The following MYT1L variants were observed in gnomAD, a reference collection of about 807,000 sequenced individuals.
The protein encoded by MYT1L is myelin transcription factor 1 like, also known as myelin transcription factor 1-like protein.
Under a neutral mutation model 126.7 loss-of-function variants are expected in MYT1L, and 12 were observed. That is an observed-to-expected ratio of 0.09 (90% CI 0.06 to 0.15). The LOEUF is 0.15. Among genes scored for constraint, MYT1L ranks in the 10% least tolerant of loss-of-function variants. The pLI is 1.00. For synonymous variants in MYT1L, 541 were observed against 604.2 expected (o/e 0.90, Z 1.53); for missense variants, 979 against 1,585.2 (o/e 0.62, Z 6.49).
chr2:2,112,317 TAA>T lies in MYT1L; in HGVS notation c.-303-58196_-303-58195del, dbSNP rs1007773015. ...TATTTACAAAACCAAGAAATAGTTT[TAA>T]AAGTTTTTATAAAAAGCAGTGCTTA... is the stretch of plus-strand genomic sequence containing the variant. On this transcript the variant is annotated intron_variant, in intron 3 of 24. Coordinates refer to ENST00000647738, the MANE Select transcript of MYT1L (RefSeq NM_001303052.2). Among the ~76,000 whole-genome samples the T allele has an allele frequency of 1.4e-4, 21 of 152,364 alleles. No homozygotes were observed. The East Asian group carries it at 1.5e-3, about 11-fold the overall frequency.
intron 18 of MYT1L, among the ~76,000 whole-genome samples, chr2:1,872,866 T>G (rs572738267): frequency 2.6e-4 from 39 of 152,364 alleles, no homozygotes; most frequent in African/African-American, 8.4e-4. Flanking sequence ...GCCCATTTAA[T>G]TTTATAATCA....
At position 1,840,896 on chromosome 2, in the gene MYT1L, C is replaced by CTTTTTTTTTTTTTTT. The variant is rs1316416056; in HGVS notation, c.2775-54_2775-53insAAAAAAAAAAAAAAA. 1.0e-5 allele frequency: 10 copies of CTTTTTTTTTTTTTTT among 962,480 alleles called. No individual in the cohort carries two copies. The African/African-American group carries it at 2.1e-4, about 20-fold the overall frequency. The allele number at this position is 962,480 out of a possible 1,614,324, so 59.6% of individuals were successfully genotyped here. A position where few individuals can be genotyped will look rare whatever the true frequency, so the allele number is the denominator to read the frequency against. On this transcript the variant is annotated intron_variant, in intron 19 of 24. Coordinates refer to ENST00000647738, the MANE Select transcript of MYT1L (RefSeq NM_001303052.2). ...ACCCCACACCGTTGATTTCAGTGAGCTTTCTTTCTTTTTTTTTTTTTTTTT... is the reference window on the plus strand; with the variant it reads ...ACCCCACACCGTTGATTTCAGTGAGCTTTTTTTTTTTTTTTTTTCTTTCTTTTTTTTTTTTTTTTT...
chr2:1,913,479 C>A (rs2052353980), intron 11 of MYT1L, among the ~76,000 whole-genome samples: 2 of 152,162 alleles, frequency 1.3e-5, no homozygotes, highest in Admixed American at 1.3e-4. Flanking sequence ...GGAAGAAGTG[C>A]TGCTCCTCCC....
rs370981673 is a variant in MYT1L at position 1,940,599 on chromosome 2, C to T, written c.505+2383G>A. Among the ~76,000 whole-genome samples, 422 of 147,618 alleles carry T rather than the reference C, an allele frequency of 2.9e-3. 1 individual carries two copies. Among genetic ancestry groups the T allele is most frequent in the Non-Finnish European group, 4.7e-3 (315 of 66,448 alleles). The stretch of plus-strand genomic sequence containing the variant: ...AACTGGGTGCACCTGTCTCACACTG[C>T]TAGCAGGTAGGTTATCTCTCAACAT... On this transcript the variant is annotated intron_variant, in intron 9 of 24. Coordinates refer to ENST00000647738, the MANE Select transcript of MYT1L (RefSeq NM_001303052.2).
intron 2 of MYT1L, among the ~76,000 whole-genome samples, chr2:2,260,243 C>T (rs905219092): frequency 1.3e-5 from 2 of 152,172 alleles, no homozygotes; most frequent in African/African-American, 4.8e-5. Context: ...GCCTCCGTGA[C>T]CCCATCTGTG....
At chr2:1,927,910 G>A (rs1208297354) in intron 9 of MYT1L, among the ~76,000 whole-genome samples, 12 of 130,786 alleles carry the variant, frequency 9.2e-5, no homozygotes, top group Middle Eastern at 3.6e-3. Flanking sequence ...AATAGCAATC[G>A]CAATGATAAG....
At chr2:2,031,101 T>C (rs966073135) in intron 4 of MYT1L, among the ~76,000 whole-genome samples, 9 of 152,236 alleles carry the variant, frequency 5.9e-5, no homozygotes, top group African/African-American at 1.9e-4. Flanking sequence ...ACTCTTTAAC[T>C]TCAGAAGTTA....
intron 2 of MYT1L, among the ~76,000 whole-genome samples, chr2:2,229,394 C>A (rs2149046958): frequency 6.6e-6 from 1 of 152,186 alleles, no homozygotes; most frequent in South Asian, 2.1e-4. Flanking sequence ...CATCCCTAGC[C>A]ACATATTCTT....
rs530155421 is a variant in MYT1L, at chr2:1,806,472, C to T, written c.3172+2604G>A. Among the ~76,000 whole-genome samples, 2 of 152,326 alleles carry T rather than the reference C, an allele frequency of 1.3e-5. No individual in the cohort carries two copies. Among genetic ancestry groups the T allele is most frequent in the South Asian group, 4.2e-4 (2 of 4,818 alleles). ...GCGGGCGGACGGTGGCCCTGGAATG[C>T]CCGTGTCCCGGCTGCTTTCTGGTGG... On this transcript the variant is annotated intron_variant, in intron 22 of 24. Transcript: ENST00000647738. The surrounding 1 kb of genome is among the most constrained non-coding windows in gnomAD (Gnocchi z 4.9).
At position 2,273,479 on chromosome 2, in the gene MYT1L, T is replaced by C. The variant is rs891871693; in HGVS notation, c.-421+10925A>G. ...ATGTATCATGCCAGGAAGATTTAAA[T>C]GTTCTACCTCCCCAGATAGTAATCC... On this transcript the variant is annotated intron_variant, in intron 2 of 24. Coordinates refer to ENST00000647738, the MANE Select transcript of MYT1L (RefSeq NM_001303052.2). 3.3e-5 allele frequency among the ~76,000 whole-genome samples: 5 copies of C among 152,184 alleles called. No homozygotes were observed. In the East Asian group the frequency reaches 7.7e-4, roughly 24 times the overall value.
At chr2:1,918,387 T>G (rs1159158749) in intron 10 of MYT1L, among the ~76,000 whole-genome samples, 7 of 152,204 alleles carry the variant, frequency 4.6e-5, no homozygotes, top group Non-Finnish European at 7.4e-5. Context: ...AGATAGCGAT[T>G]ATTATTATTT....
Position 1,945,709 on chromosome 2 carries a change from C to T in MYT1L, c.153-2375G>A, listed in dbSNP as rs574935278. 5.7e-4 allele frequency among the ~76,000 whole-genome samples: 86 copies of T among 152,202 alleles called. 1 individual carries two copies. The highest frequency in any genetic ancestry group is 6.8e-3 in the Middle Eastern group (2 of 294). ...AGGTTAGTACTGAATCTGGCACCTG[C>T]TAGGTACTCCATGAATGATAGGAAC... On this transcript the variant is annotated intron_variant, in intron 8 of 24. Transcript: ENST00000647738.
intron 3 of MYT1L, among the ~76,000 whole-genome samples, chr2:2,140,196 A>G (rs1398114219): frequency 6.6e-6 from 1 of 152,190 alleles, no homozygotes; most frequent in African/African-American, 2.4e-5. Context: ...CATTACTGTT[A>G]AATGTAAAAT....
chr2:1,904,093 G>A (rs974335544), intron 13 of MYT1L, among the ~76,000 whole-genome samples: 1 of 152,196 alleles, frequency 6.6e-6, no homozygotes, highest in African/African-American at 2.4e-5. Flanking sequence ...TTCCACCAAT[G>A]TGACCATCTT....
chr2:2,274,491 A>T (rs1298060519), intron 2 of MYT1L, among the ~76,000 whole-genome samples: 1 of 152,044 alleles, frequency 6.6e-6, no homozygotes, highest in East Asian at 1.9e-4. Flanking sequence ...ATAAAGGGAC[A>T]TTCTTAATCA....
intron 3 of MYT1L, among the ~76,000 whole-genome samples, chr2:2,103,385 G>A (rs1055375289): frequency 1.1e-4 from 16 of 152,190 alleles, no homozygotes; most frequent in Admixed American, 9.8e-4. Context: ...GATCAATGGA[G>A]CCAACTCCCC....
chr2:1,794,700 T>TGAGCCCAGCCCAGCTCGC (rs2033055765), intron 23 of MYT1L, among the ~76,000 whole-genome samples: 1 of 152,194 alleles, frequency 6.6e-6, no homozygotes, highest in African/African-American at 2.4e-5. Flanking sequence ...TGTTCAGGAA[T>TGAGCCCAGCCCAGCTCGC]CTCTGTGAGA....
chr2:2,190,572 AAAAAAG>A (rs1263624644), intron 2 of MYT1L, among the ~76,000 whole-genome samples: 4,274 of 150,552 alleles, frequency 0.028, 200 homozygotes, highest in African/African-American at 0.1. Context: ...AAAAAAAAAA[AAAAAAG>A]AAGAAGAAAG....
At chr2:2,172,233 C>T (rs1287110913) in intron 3 of MYT1L, among the ~76,000 whole-genome samples, 2 of 152,108 alleles carry the variant, frequency 1.3e-5, no homozygotes, top group Admixed American at 6.5e-5. Flanking sequence ...CCAAATCAGA[C>T]CCCACATGCT....
Sources: gnomAD v4.1 joint callset for allele counts (sites outside exome capture counted in the v4.1 genomes callset) on GRCh38, gnomAD v4.1.1 for gene constraint, Gnocchi (gnomAD v3.1) non-coding constraint, MANE v1.5 for transcripts, NCBI Gene and HGNC (gene_info 2026-07-23, HGNC 2026-07-21) for gene names.